DPP6: variants seen among roughly 807,000 people sequenced by gnomAD.
The protein encoded by DPP6 is A-type potassium channel modulatory protein DPP6.
In DPP6, 69 loss-of-function variants were observed where a neutral mutation model predicts 122.6. The observed-to-expected ratio is 0.56, with a 90% CI of 0.46 to 0.69. DPP6 has a LOEUF of 0.69. DPP6 is among the 30% of genes least tolerant of loss of function. The probability of loss-of-function intolerance (pLI) is 0.00; values close to 1 mark genes in which losing one functional copy is unlikely to be tolerated. For missense variants in DPP6, 928 were observed against 1,116.9 expected (o/e 0.83, Z 2.41); for synonymous variants, 418 against 433.1 (o/e 0.97, Z 0.43).
chr7:153,864,682 C>T, the DPP6 span, among the ~76,000 whole-genome samples: 1 of 54,718 alleles, frequency 1.8e-5, no homozygotes, highest in Non-Finnish European at 3.7e-5. Context: ...TACACACACA[C>T]ACACACACAC....
At chr7:153,815,839 C>CT in the DPP6 span, among the ~76,000 whole-genome samples, 1 of 152,060 alleles carries the variant, frequency 6.6e-6, no homozygotes, top group Admixed American at 6.6e-5. Flanking sequence ...TAAATTGTTA[C>CT]TTGTTATTCT....
intron 6 of DPP6, among the ~76,000 whole-genome samples, chr7:154,645,061 GTT>G (rs538662916): frequency 1.8e-3 from 223 of 121,814 alleles, no homozygotes; most frequent in African/African-American, 5.2e-3. Context: ...TTATTTGTTG[GTT>G]TTTTTTTTTT....
At chr7:154,148,602 G>A (rs866524619) in intron 1 of DPP6, among the ~76,000 whole-genome samples, 3 of 152,262 alleles carry the variant, frequency 2.0e-5, no homozygotes, top group African/African-American at 7.2e-5. Context: ...CACTCTCCTG[G>A]CATGGCCACG....
the DPP6 span, among the ~76,000 whole-genome samples, chr7:153,788,240 C>T: frequency 5.3e-5 from 8 of 152,144 alleles, no homozygotes; most frequent in Non-Finnish European, 1.2e-4. Flanking sequence ...CCAGAAAAGT[C>T]CCCAGAAGAA....
At chr7:154,676,291 C>T (rs111965831) in intron 7 of DPP6, among the ~76,000 whole-genome samples, 1 of 134,570 alleles carries the variant, frequency 7.4e-6, no homozygotes, top group African/African-American at 3.0e-5. Context: ...GGTCCAGCTG[C>T]CCTTCCCCAT....
chr7:154,399,990 AG>A (rs1294217966), intron 1 of DPP6, among the ~76,000 whole-genome samples: 23 of 152,168 alleles, frequency 1.5e-4, no homozygotes, highest in African/African-American at 5.3e-4. Context: ...TGTTGGGGGA[AG>A]GCTGAGAGGT....
At chr7:154,389,732 G>A (rs1258391027) in intron 1 of DPP6, among the ~76,000 whole-genome samples, 1 of 152,094 alleles carries the variant, frequency 6.6e-6, no homozygotes, top group Non-Finnish European at 1.5e-5. Flanking sequence ...TCCTCAAAAT[G>A]TAATAGGCAA....
At chr7:154,438,067 C>A (rs868120676) in intron 1 of DPP6, among the ~76,000 whole-genome samples, 2 of 152,112 alleles carry the variant, frequency 1.3e-5, no homozygotes, top group African/African-American at 4.8e-5. Flanking sequence ...CCCTCAGGAA[C>A]CAGGGAGCAG....
rs187314254 is a variant in DPP6 at position 154,783,061 on chromosome 7, G to A, written c.1136+10119G>A. ...GGCCTCCCAAAGTGCTGGGACATGCGGTTCCTAACACCTTCCCAGGGGCTG... is the reference window on the plus strand; with the variant it reads ...GGCCTCCCAAAGTGCTGGGACATGCAGTTCCTAACACCTTCCCAGGGGCTG... On this transcript the variant is annotated intron_variant, in intron 10 of 25. Coordinates refer to ENST00000377770, the MANE Select transcript of DPP6 (RefSeq NM_130797.4). Among the ~76,000 whole-genome samples, 288 of 152,238 alleles carry A rather than the reference G, an allele frequency of 1.9e-3. 2 individuals are homozygous for A. The highest frequency in any genetic ancestry group is 6.6e-3 in the African/African-American group (276 of 41,542).
chr7:153,831,391 A>G, the DPP6 span, among the ~76,000 whole-genome samples: 1 of 152,188 alleles, frequency 6.6e-6, no homozygotes, highest in East Asian at 1.9e-4. Context: ...AAGACCTCTC[A>G]GAGGAAGGAA....
Position 154,150,984 on chromosome 7 carries a change from G to A in DPP6, c.243+97921G>A, listed in dbSNP as rs369267575. On this transcript the variant is annotated intron_variant, in intron 1 of 25. Coordinates refer to ENST00000377770, the MANE Select transcript of DPP6 (RefSeq NM_130797.4). The stretch of plus-strand genomic sequence containing the variant: ...GTTCCTAGATAGCTGCTTCCTGCCG[G>A]GACTCCGTGATCTTGTCTGCAATGG... Among the ~76,000 whole-genome samples the A allele has an allele frequency of 2.5e-3, 386 of 152,098 alleles. 2 individuals are homozygous for A. Among genetic ancestry groups the A allele is most frequent in the African/African-American group, 8.3e-3 (342 of 41,430 alleles).
chr7:154,452,148 A>G (rs1334020321), intron 2 of DPP6, among the ~76,000 whole-genome samples: 1 of 152,250 alleles, frequency 6.6e-6, no homozygotes, highest in African/African-American at 2.4e-5. Flanking sequence ...TGAGAACTCC[A>G]TGCTAAGTGC....
intron 1 of DPP6, among the ~76,000 whole-genome samples, chr7:153,966,627 A>T (rs1245310335): frequency 8.7e-6 from 1 of 114,708 alleles, no homozygotes; most frequent in Non-Finnish European, 1.8e-5. Context: ...TTATACTTTA[A>T]TTTTTACAGT....
At chr7:154,281,960 T>A (rs530798767) in intron 1 of DPP6, among the ~76,000 whole-genome samples, 1 of 151,874 alleles carries the variant, frequency 6.6e-6, no homozygotes, top group Admixed American at 6.6e-5. Flanking sequence ...GTATGGGGGG[T>A]TTGGAGCCAA....
chr7:154,887,664 G>A lies in DPP6; in HGVS notation c.2246-12G>A. 1.2e-6 allele frequency: 2 copies of A among 1,613,830 alleles called. No individual in the cohort carries two copies. Among genetic ancestry groups the A allele is most frequent in the Non-Finnish European group, 1.7e-6 (2 of 1,179,742 alleles). On this transcript the variant is annotated splice_polypyrimidine_tract_variant and intron_variant, in intron 22 of 25. Coordinates refer to ENST00000377770, the MANE Select transcript of DPP6 (RefSeq NM_130797.4). ...AGCCAGAGGTAACCTCCCTCCCTTT[G>A]CTTCCGTGCAGCCTCTGCGTTTTCC...
At position 154,592,045 on chromosome 7, in the gene DPP6, G is replaced by T. The variant is rs1832835332; in HGVS notation, c.627+25129G>T. Among the ~76,000 whole-genome samples the T allele has an allele frequency of 1.3e-5, 2 of 152,210 alleles. 1 individual carries two copies. Among genetic ancestry groups the T allele is most frequent in the South Asian group, 4.1e-4 (2 of 4,834 alleles). On this transcript the variant is annotated intron_variant, in intron 5 of 25. Coordinates refer to ENST00000377770, the MANE Select transcript of DPP6 (RefSeq NM_130797.4). The stretch of plus-strand genomic sequence containing the variant: ...GAAGACGGGAATCTAGTGGGGATGG[G>T]CAGGGGCCAGGCTCCCTTTGCTTTC...
chr7:154,543,325 C>A (rs774907297), intron 4 of DPP6, among the ~76,000 whole-genome samples: 1 of 152,174 alleles, frequency 6.6e-6, no homozygotes, highest in African/African-American at 2.4e-5. Context: ...CCTCTAATAA[C>A]CTCATTCTCT....
intron 7 of DPP6, among the ~76,000 whole-genome samples, chr7:154,696,141 C>T (rs929718787): frequency 3.9e-5 from 6 of 152,222 alleles, no homozygotes; most frequent in East Asian, 1.9e-4. Flanking sequence ...CCTCATCAGC[C>T]GGAGGACAGG....
intron 15 of DPP6, 108 bp from the exon 16 acceptor site, chr7:154,806,886 G>T (rs1338613421): frequency 1.4e-6 from 2 of 1,450,112 alleles, no homozygotes; most frequent in East Asian, 2.4e-5. Context: ...GTCTGTAGCA[G>T]GGCTCCGCAG....
Sources: allele counts gnomAD v4.1 joint callset (sites outside exome capture counted in the v4.1 genomes callset), GRCh38; gene constraint gnomAD v4.1.1; transcripts MANE v1.5; gene names NCBI Gene and HGNC (gene_info 2026-07-23, HGNC 2026-07-21).